USP14: variants seen among roughly 807,000 people sequenced by gnomAD.
USP14 encodes the protein ubiquitin carboxyl-terminal hydrolase 14.
USP14 carries 38 observed loss-of-function variants against 76.5 expected under a neutral mutation model. The observed-to-expected ratio is 0.50, with a 90% confidence interval of 0.38 to 0.65. The LOEUF (loss-of-function observed/expected upper bound fraction) is 0.65. USP14 is among the 30% of genes least tolerant of loss of function. USP14 has a pLI of 0.00. For synonymous variants in USP14, 192 were observed against 191.7 expected (o/e 1.00, Z -0.01); for missense variants, 467 against 586.5 (o/e 0.80, Z 2.10).
intron 14 of USP14, 86 bp downstream of exon 14, chr18:210,117 C>A: frequency 9.0e-7 from 1 of 1,108,776 alleles, no homozygotes; most frequent in South Asian, 1.5e-5. Flanking sequence ...TTTACTTATT[C>A]TGATGTGCTT....
At chr18:178,114 A>G (rs1211596765) in intron 3 of USP14, among the ~76,000 whole-genome samples, 4 of 152,064 alleles carry the variant, frequency 2.6e-5, no homozygotes, top group African/African-American at 9.7e-5. Context: ...TCAACCTCCC[A>G]GGCTCCAGTG....
chr18:207,447 G>A (rs1910559910), intron 13 of USP14, among the ~76,000 whole-genome samples: 1 of 144,810 alleles, frequency 6.9e-6, no homozygotes, highest in Non-Finnish European at 1.6e-5. Flanking sequence ...GGGAGGCCAA[G>A]GTGGGCAGAT....
At chr18:185,463 TTGTC>T (rs977063927) in intron 5 of USP14, among the ~76,000 whole-genome samples, 7 of 152,132 alleles carry the variant, frequency 4.6e-5, no homozygotes, top group African/African-American at 1.4e-4. Flanking sequence ...CTGAAAATAT[TTGTC>T]TGTTAACACT....
Position 214,577 on chromosome 18 carries a change from T to G in USP14, c.*3293T>G. ...CAGTGGACCTCTTATCAAATGCTGCTTGGTAACAAAATCTATCACAGTTTT... is the reference window on the plus strand; with the variant it reads ...CAGTGGACCTCTTATCAAATGCTGCGTGGTAACAAAATCTATCACAGTTTT... On this transcript the variant is annotated 3_prime_UTR_variant, in exon 16 of 16. Transcript: ENST00000261601. 6.7e-7 allele frequency: 1 copy of G among 1,488,746 alleles called. No homozygotes were observed. The allele number at this position is 1,488,746 out of a possible 1,614,324, so 92.2% of individuals were successfully genotyped here.
chr18:181,268 GAA>G (rs1238748931), intron 5 of USP14, among the ~76,000 whole-genome samples: 1 of 152,082 alleles, frequency 6.6e-6, no homozygotes, highest in Non-Finnish European at 1.5e-5. Context: ...ATGTTTTGAG[GAA>G]CTGCCACAAT....
intron 3 of USP14, among the ~76,000 whole-genome samples, chr18:171,024 AAATATATAT>A (rs1221863168): frequency 6.8e-4 from 40 of 58,802 alleles, no homozygotes; most frequent in East Asian, 2.7e-3. Context: ...AAAAAAAAAA[AAATATATAT>A]ATATATATAT....
intron 5 of USP14, among the ~76,000 whole-genome samples, chr18:185,060 C>T (rs745355176): frequency 6.6e-6 from 1 of 152,078 alleles, no homozygotes; most frequent in Admixed American, 6.6e-5. Flanking sequence ...ATCACATGGC[C>T]GTATCTGTTG....
intron 10 of USP14, among the ~76,000 whole-genome samples, chr18:201,993 A>G (rs892121757): frequency 1.3e-5 from 2 of 152,258 alleles, no homozygotes; most frequent in South Asian, 2.1e-4. Flanking sequence ...GCTACTCCAC[A>G]GTGATTCCTT....
intron 1 of USP14, among the ~76,000 whole-genome samples, chr18:160,928 A>AT (rs966724646): frequency 2.0e-4 from 30 of 151,106 alleles, no homozygotes; most frequent in African/African-American, 6.1e-4. Flanking sequence ...ATTTTATTTT[A>AT]TTTTTTTTTA....
At chr18:193,815 CAT>C (rs1487995253) in intron 6 of USP14, among the ~76,000 whole-genome samples, 4 of 152,170 alleles carry the variant, frequency 2.6e-5, no homozygotes, top group African/African-American at 9.7e-5. Context: ...GGACAAGCCA[CAT>C]ATCATTTATC....
In USP14 at chr18:211,196, T is replaced by C. The variant is rs1223469136; in HGVS notation, c.1397T>C (p.Leu466Pro). The change falls in exon 16 of 16, where the codon CTT becomes CCT. Residue 466 changes from leucine to proline, a missense_variant. Coordinates refer to ENST00000261601, the MANE Select transcript of USP14 (RefSeq NM_005151.4). ...GTAACACCAGAAGATATCTTACGGC[T>C]TTCTGGTGGTGGAGACTGGCATATC... ...SIVTPEDILR[L>P]SGGGDWHIAY... The C allele has an allele frequency of 1.9e-6, 3 of 1,614,056 alleles. No individual in the cohort carries two copies. Among genetic ancestry groups the C allele is most frequent in the Non-Finnish European group, 8.5e-7 (1 of 1,179,936 alleles).
chr18:195,541 C>T (rs1159166348), intron 6 of USP14, among the ~76,000 whole-genome samples: 1 of 152,092 alleles, frequency 6.6e-6, no homozygotes, highest in Non-Finnish European at 1.5e-5. Context: ...AGAAATGGTT[C>T]GAAATCCAAG....
chr18:189,460 C>G (rs966507205), intron 5 of USP14, among the ~76,000 whole-genome samples: 1 of 151,390 alleles, frequency 6.6e-6, no homozygotes, highest in African/African-American at 2.4e-5. Flanking sequence ...TTATCTTTTC[C>G]TTTTAGCTCA....
At chr18:170,999 C>T (rs1207930001) in intron 3 of USP14, among the ~76,000 whole-genome samples, 1 of 109,446 alleles carries the variant, frequency 9.1e-6, no homozygotes, top group Admixed American at 1.1e-4. Context: ...TGGACATGTA[C>T]CCTGGAACTT....
Position 199,239 on chromosome 18 carries a change from A to G in USP14, c.799A>G (p.Lys267Glu). 6.2e-7 allele frequency: 1 copy of G among 1,614,024 alleles called. No individual in the cohort carries two copies. The highest frequency in any genetic ancestry group is 8.5e-7 in the Non-Finnish European group (1 of 1,179,914). ...AGAATCTGAAGAAGAAGAAGTCACC[A>G]AAGGAAAGGAAAATCAACTTCAGCT... The part of the protein sequence containing the change: ...CTESEEEEVT[K>E]GKENQLQLSC... The change falls in exon 10 of 16, where the codon AAA becomes GAA. Residue 267 changes from lysine (K) to glutamate (E), a missense_variant. By Grantham distance (56) the Lys-to-Glu change is moderately conservative. Coordinates refer to ENST00000261601, the MANE Select transcript of USP14 (RefSeq NM_005151.4).
chr18:174,247 A>T (rs1484924929), intron 3 of USP14, among the ~76,000 whole-genome samples: 2 of 150,106 alleles, frequency 1.3e-5, no homozygotes, highest in Non-Finnish European at 3.0e-5. Flanking sequence ...ACATATTGTT[A>T]AGTATTTCAC....
chr18:204,810 T>TTCTGA, intron 13 of USP14, 118 bp downstream of exon 13: 9 of 985,796 alleles, frequency 9.1e-6, no homozygotes, highest in South Asian at 1.8e-5. Flanking sequence ...CTTTGTATAG[T>TTCTGA]ATTATTTGGA....
chr18:211,052 T>A (rs1276175234), intron 15 of USP14, 81 bp from the exon 16 acceptor site: 2 of 1,453,488 alleles, frequency 1.4e-6, no homozygotes, highest in East Asian at 4.7e-5. Context: ...GTGCCTCCGA[T>A]GACTTGATAC....
intron 5 of USP14, among the ~76,000 whole-genome samples, chr18:188,743 T>A (rs533284745): frequency 3.3e-5 from 5 of 152,278 alleles, no homozygotes; most frequent in African/African-American, 1.2e-4. Flanking sequence ...AGTGGCATGA[T>A]CTCGGCTCAC....
Sources: gnomAD v4.1 joint callset for allele counts (sites outside exome capture counted in the v4.1 genomes callset) on GRCh38, gnomAD v4.1.1 for gene constraint, MANE v1.5 for transcripts, NCBI Gene and HGNC (gene_info 2026-07-23, HGNC 2026-07-21) for gene names.